The following PTPRD variants were observed in gnomAD, a reference collection of about 807,000 sequenced individuals.
PTPRD encodes protein tyrosine phosphatase receptor type D.
Under a neutral mutation model 214.5 loss-of-function variants are expected in PTPRD, and 34 were observed. The observed-to-expected ratio is 0.16, with a 90% CI of 0.12 to 0.21. The LOEUF (loss-of-function observed/expected upper bound fraction) is 0.21, where lower values mean the gene tolerates loss of function less well. Among genes scored for constraint, PTPRD ranks in the 10% least tolerant of loss-of-function variants. PTPRD has a pLI of 1.00. For missense variants in PTPRD, 2,545 were observed against 2,398.7 expected, an observed-to-expected ratio of 1.06 and a Z score of -1.27; for synonymous variants, 1,128 against 845.7, an observed-to-expected ratio of 1.33 and a Z score of -5.79.
chr9:9,142,297 T>A (rs149110399), intron 10 of PTPRD, among the ~76,000 whole-genome samples: 1 of 152,340 alleles, frequency 6.6e-6, no homozygotes, highest in East Asian at 1.9e-4. Flanking sequence ...ACCACCAGGA[T>A]GACTGGCATA....
chr9:9,983,993 G>A (rs941489146), intron 4 of PTPRD, among the ~76,000 whole-genome samples: 1 of 151,986 alleles, frequency 6.6e-6, no homozygotes, highest in Admixed American at 6.6e-5. Flanking sequence ...ACCTGTAATT[G>A]AAGATCAGAT....
chr9:10,434,780 G>A (rs1403688374), intron 2 of PTPRD, among the ~76,000 whole-genome samples: 7 of 151,836 alleles, frequency 4.6e-5, no homozygotes, highest in East Asian at 1.9e-4. Context: ...TTTCTGTTTC[G>A]CACAATGAGA....
chr9:10,368,726 A>C (rs1478630467), intron 2 of PTPRD, among the ~76,000 whole-genome samples: 1 of 152,102 alleles, frequency 6.6e-6, no homozygotes, highest in Non-Finnish European at 1.5e-5. Flanking sequence ...CTTTTCTTAA[A>C]CATATGATGA....
intron 5 of PTPRD, among the ~76,000 whole-genome samples, chr9:9,902,071 G>T (rs2076529122): frequency 6.6e-6 from 1 of 152,032 alleles, no homozygotes; most frequent in African/African-American, 2.4e-5. Context: ...ATACCTATTG[G>T]CTGCTTCTAC....
intron 3 of PTPRD, among the ~76,000 whole-genome samples, chr9:10,085,646 C>G (rs2154193477): frequency 6.6e-6 from 1 of 151,776 alleles, no homozygotes; most frequent in Non-Finnish European, 1.5e-5. Flanking sequence ...TGGCGCCTGC[C>G]TGTGCATGCC....
intron 5 of PTPRD, among the ~76,000 whole-genome samples, chr9:9,931,545 AT>A (rs1433867446): frequency 1.3e-5 from 2 of 151,930 alleles, no homozygotes; most frequent in African/African-American, 4.8e-5. Flanking sequence ...GCACCAGGAG[AT>A]TATATCCCGC....
chr9:10,185,121 T>A (rs1267776972), intron 3 of PTPRD, among the ~76,000 whole-genome samples: 1 of 152,180 alleles, frequency 6.6e-6, no homozygotes, highest in Non-Finnish European at 1.5e-5. Flanking sequence ...AACACTATTA[T>A]CAGAACAGCA....
chr9:10,473,513 C>A (rs940976109), intron 2 of PTPRD, among the ~76,000 whole-genome samples: 1 of 151,992 alleles, frequency 6.6e-6, no homozygotes, highest in African/African-American at 2.4e-5. Flanking sequence ...CTTGCACATG[C>A]GTGAGTGTGA....
intron 12 of PTPRD, among the ~76,000 whole-genome samples, chr9:8,669,019 GT>G (rs1368377074): frequency 6.6e-6 from 1 of 152,070 alleles, no homozygotes; most frequent in Admixed American, 6.5e-5. Flanking sequence ...GAACAGCTTT[GT>G]GGGGAGTTCA....
At chr9:9,919,128 T>C (rs1566310407) in intron 5 of PTPRD, among the ~76,000 whole-genome samples, 1 of 152,170 alleles carries the variant, frequency 6.6e-6, no homozygotes, top group African/African-American at 2.4e-5. Context: ...TTGATTTATA[T>C]AAAATGAATA....
intron 3 of PTPRD, among the ~76,000 whole-genome samples, chr9:10,133,042 G>A (rs565171217): frequency 1.3e-5 from 2 of 152,272 alleles, no homozygotes; most frequent in South Asian, 4.1e-4. Context: ...TCCATGGCAT[G>A]AGAACACTCA....
At chr9:9,181,017 T>C (rs932462487) in intron 10 of PTPRD, among the ~76,000 whole-genome samples, 2 of 152,096 alleles carry the variant, frequency 1.3e-5, no homozygotes, top group Non-Finnish European at 2.9e-5. Context: ...CCGTCTTCGG[T>C]AGAGTAAAAA....
In PTPRD at chr9:8,931,843, C is replaced by T. The variant is rs145068337; in HGVS notation, c.-104+86854G>A. Among the ~76,000 whole-genome samples the T allele has an allele frequency of 5.5e-3, 829 of 152,098 alleles. 7 individuals carry two copies. The highest frequency in any genetic ancestry group is 0.019 in the African/African-American group (779 of 41,484). ...ATTGACTACTGCCTCAATTTCAGAA[C>T]TTGTTATTGGCTTATTCAGGGATTC... On this transcript the variant is annotated intron_variant, in intron 11 of 45. Transcript: ENST00000381196.
At chr9:8,928,256 T>C (rs1389588384) in intron 11 of PTPRD, among the ~76,000 whole-genome samples, 1 of 152,206 alleles carries the variant, frequency 6.6e-6, no homozygotes, top group Non-Finnish European at 1.5e-5. Flanking sequence ...CTTTTGATAT[T>C]TTAGTCATGA....
chr9:8,873,541 G>C (rs963354495), intron 11 of PTPRD, among the ~76,000 whole-genome samples: 2 of 152,010 alleles, frequency 1.3e-5, no homozygotes, highest in African/African-American at 4.8e-5. Flanking sequence ...AGTTCCCTAA[G>C]AGCTAGAAAG....
At chr9:8,989,954 C>T (rs539965887) in intron 11 of PTPRD, among the ~76,000 whole-genome samples, 1 of 152,248 alleles carries the variant, frequency 6.6e-6, no homozygotes, top group African/African-American at 2.4e-5. Flanking sequence ...AGACAGTTCT[C>T]TTTATAAGGG....
chr9:10,353,866 C>T (rs1049266579), intron 2 of PTPRD, among the ~76,000 whole-genome samples: 1 of 151,820 alleles, frequency 6.6e-6, no homozygotes, highest in East Asian at 1.9e-4. Context: ...CCACAAAACA[C>T]AACCAATAAC....
At chr9:10,318,241 T>C (rs1017994428) in intron 3 of PTPRD, among the ~76,000 whole-genome samples, 6 of 152,024 alleles carry the variant, frequency 3.9e-5, no homozygotes, top group African/African-American at 7.2e-5. Context: ...AATAATAAAA[T>C]AGATAATTTT....
intron 11 of PTPRD, among the ~76,000 whole-genome samples, chr9:8,800,796 A>C (rs988129691): frequency 3.3e-5 from 5 of 152,180 alleles, no homozygotes; most frequent in Non-Finnish European, 5.9e-5. Context: ...CAGGAGATCC[A>C]AGAACCCTCT....
Sources: allele counts gnomAD v4.1 joint callset (sites outside exome capture counted in the v4.1 genomes callset), GRCh38; gene constraint gnomAD v4.1.1; transcripts MANE v1.5; gene names NCBI Gene and HGNC (gene_info 2026-07-23, HGNC 2026-07-21).